Variants in NELL1 observed in about 807,000 individuals in gnomAD.
NELL1 encodes the protein neural EGFL like 1.
In NELL1, 76 loss-of-function variants were observed where a neutral mutation model predicts 107.4. The ratio of observed to expected loss-of-function variants is 0.71; its 90% CI spans 0.59 to 0.86. The LOEUF (loss-of-function observed/expected upper bound fraction) is 0.86, where lower values mean the gene tolerates loss of function less well. Ranked by LOEUF, NELL1 falls within the 40% of genes least tolerant of loss-of-function variation. The pLI is 0.00. For synonymous variants in NELL1, 353 were observed against 341.2 expected (o/e 1.03, Z -0.38); for missense variants, 1,024 against 1,005.5 (o/e 1.02, Z -0.25).
intron 13 of NELL1, among the ~76,000 whole-genome samples, chr11:21,128,623 T>C (rs917639202): frequency 3.9e-5 from 6 of 152,140 alleles, no homozygotes; most frequent in African/African-American, 1.4e-4. Flanking sequence ...GTCCATTTAA[T>C]TGGTTATAAT....
chr11:20,760,128 G>T (rs780265298), intron 2 of NELL1, among the ~76,000 whole-genome samples: 22 of 152,206 alleles, frequency 1.4e-4, no homozygotes, highest in Non-Finnish European at 2.2e-4. Context: ...TATGGTGTGG[G>T]TTGGGAGGTA....
rs148132998 is a variant in NELL1 at position 21,073,454 on chromosome 11, G to A, written c.1301-40135G>A. ...CGTCAGCAAGTACAACTTATCTAAC[G>A]AATGAGTTGATTTTCAAGTTGAGTC... is the stretch of plus-strand genomic sequence containing the variant. On this transcript the variant is annotated intron_variant, in intron 12 of 19. Transcript: ENST00000357134. Among the ~76,000 whole-genome samples the A allele has an allele frequency of 2.6e-3, 397 of 152,266 alleles. 1 individual carries two copies. Among genetic ancestry groups the A allele is most frequent in the Non-Finnish European group, 4.2e-3 (288 of 68,020 alleles).
intron 12 of NELL1, among the ~76,000 whole-genome samples, chr11:21,049,632 G>T (rs950640210): frequency 9.9e-5 from 15 of 152,150 alleles, no homozygotes; most frequent in Admixed American, 8.5e-4. Context: ...ACTGCCATAG[G>T]GTGTATCTTT....
chr11:21,125,521 G>C (rs1427401411), intron 13 of NELL1, among the ~76,000 whole-genome samples: 1 of 152,116 alleles, frequency 6.6e-6, no homozygotes, highest in African/African-American at 2.4e-5. Flanking sequence ...TGACCTCTAG[G>C]AGATTGTGGT....
At chr11:21,565,200 G>C (rs996769570) in intron 17 of NELL1, among the ~76,000 whole-genome samples, 2 of 151,920 alleles carry the variant, frequency 1.3e-5, no homozygotes, top group Non-Finnish European at 2.9e-5. Context: ...CAAGCTGTAA[G>C]ATTGTGTTTC....
rs1854656527 is a variant in NELL1 at position 21,487,229 on chromosome 11, A to C, written c.1646-47145A>C. ...TAAAAACAGCAAGAGAAAAGCATCT[A>C]GTCACCTATAGAGGAACCACCATCA... is the stretch of plus-strand genomic sequence containing the variant. On this transcript the variant is annotated intron_variant, in intron 15 of 19. Coordinates refer to ENST00000357134, the MANE Select transcript of NELL1 (RefSeq NM_006157.5). Among the ~76,000 whole-genome samples the C allele has an allele frequency of 2.0e-5, 3 of 152,326 alleles. No individual in the cohort carries two copies. In the South Asian group the frequency reaches 6.2e-4, roughly 32 times the overall value.
At chr11:21,116,053 A>T (rs186820676) in intron 13 of NELL1, among the ~76,000 whole-genome samples, 1 of 151,894 alleles carries the variant, frequency 6.6e-6, no homozygotes, top group Non-Finnish European at 1.5e-5. Context: ...TTCAGCTCAC[A>T]TATGCTCCTC....
intron 3 of NELL1, among the ~76,000 whole-genome samples, chr11:20,822,120 A>G (rs780729546): frequency 2.0e-5 from 3 of 152,214 alleles, no homozygotes; most frequent in African/African-American, 4.8e-5. Context: ...GATGATAACT[A>G]GCAGTGAAGA....
intron 3 of NELL1, among the ~76,000 whole-genome samples, chr11:20,814,154 C>G (rs1366578954): frequency 6.6e-6 from 1 of 151,970 alleles, no homozygotes; most frequent in East Asian, 1.9e-4. Context: ...CACCGCCACG[C>G]CCGGCTAATT....
At chr11:20,739,489 C>A (rs549863756) in intron 2 of NELL1, among the ~76,000 whole-genome samples, 1 of 152,256 alleles carries the variant, frequency 6.6e-6, no homozygotes, top group South Asian at 2.1e-4. Context: ...ATAATCCAGC[C>A]GCTGTCTGCC....
chr11:20,979,530 A>G (rs1385507258), intron 12 of NELL1, among the ~76,000 whole-genome samples: 7 of 152,228 alleles, frequency 4.6e-5, no homozygotes, highest in African/African-American at 1.7e-4. Flanking sequence ...CCAGCACTGT[A>G]AAGTTGGAAA....
intron 4 of NELL1, among the ~76,000 whole-genome samples, chr11:20,879,573 A>G (rs1849369552): frequency 1.3e-5 from 2 of 152,088 alleles, no homozygotes; most frequent in African/African-American, 2.4e-5. Context: ...AAGCTAACTG[A>G]TGGCCAGGTG....
At chr11:21,278,711 A>G (rs186456461) in intron 14 of NELL1, among the ~76,000 whole-genome samples, 2 of 152,294 alleles carry the variant, frequency 1.3e-5, no homozygotes, top group Admixed American at 1.3e-4. Context: ...AGTTCTACCA[A>G]ATTTGATTCA....
At chr11:20,918,813 G>C (rs1039306599) in intron 6 of NELL1, among the ~76,000 whole-genome samples, 2 of 151,994 alleles carry the variant, frequency 1.3e-5, no homozygotes, top group East Asian at 3.9e-4. Flanking sequence ...ATCATTTATT[G>C]AACTAAAATT....
chr11:20,730,409 G>T (rs1855612028), intron 2 of NELL1, among the ~76,000 whole-genome samples: 1 of 152,130 alleles, frequency 6.6e-6, no homozygotes, highest in Non-Finnish European at 1.5e-5. Context: ...TATTCCCAAA[G>T]ATGTGTGCAG....
intron 14 of NELL1, among the ~76,000 whole-genome samples, chr11:21,301,854 A>G (rs531110097): frequency 2.0e-5 from 3 of 152,018 alleles, no homozygotes; most frequent in Non-Finnish European, 4.4e-5. Context: ...GATTTGGGGG[A>G]TATTTAATAA....
At chr11:21,493,871 A>G (rs1431140386) in intron 15 of NELL1, among the ~76,000 whole-genome samples, 6 of 152,034 alleles carry the variant, frequency 3.9e-5, no homozygotes, top group Non-Finnish European at 8.8e-5. Flanking sequence ...CCCTATAAAT[A>G]TGTAAAATAT....
chr11:21,185,875 C>T (rs1856924841), intron 13 of NELL1, among the ~76,000 whole-genome samples: 1 of 151,742 alleles, frequency 6.6e-6, no homozygotes, highest in Admixed American at 6.6e-5. Context: ...AAAGAGGCAT[C>T]TGCAAATGAC....
intron 15 of NELL1, among the ~76,000 whole-genome samples, chr11:21,463,840 A>G (rs1361023481): frequency 1.3e-5 from 2 of 151,924 alleles, no homozygotes; most frequent in African/African-American, 2.4e-5. Context: ...AGATGGAAAG[A>G]CTCCAGCTGG....
Sources: gnomAD v4.1 joint callset for allele counts (sites outside exome capture counted in the v4.1 genomes callset) on GRCh38, gnomAD v4.1.1 for gene constraint, MANE v1.5 for transcripts, NCBI Gene and HGNC (gene_info 2026-07-23, HGNC 2026-07-21) for gene names.